STK39: variants seen among roughly 807,000 people sequenced by gnomAD.
The protein encoded by STK39 is serine/threonine kinase 39, also known as STE20/SPS1-related proline-alanine-rich protein kinase.
Under a neutral mutation model 77.8 loss-of-function variants are expected in STK39, and 20 were observed. That is an observed-to-expected ratio of 0.26 (90% CI 0.18 to 0.37). The LOEUF is 0.37. STK39 is among the 10% of genes least tolerant of loss of function. STK39 has a pLI of 1.00. For synonymous variants in STK39, 246 were observed against 234.1 expected (o/e 1.05, Z -0.47); for missense variants, 479 against 656.5 (o/e 0.73, Z 2.95).
At chr2:167,974,367 G>A (rs1283681864) in intron 16 of STK39, among the ~76,000 whole-genome samples, 1 of 151,958 alleles carries the variant, frequency 6.6e-6, no homozygotes, top group African/African-American at 2.4e-5. Context: ...GCTTCAAAAC[G>A]GTCTTTTCTG....
intron 1 of STK39, among the ~76,000 whole-genome samples, chr2:168,237,397 C>A (rs1405100418): frequency 1.3e-5 from 2 of 152,184 alleles, no homozygotes; most frequent in African/African-American, 2.4e-5. Context: ...CAAACAGGGA[C>A]AATTTGACTT....
At chr2:168,226,335 T>C (rs1333059012) in intron 1 of STK39, among the ~76,000 whole-genome samples, 1 of 152,022 alleles carries the variant, frequency 6.6e-6, no homozygotes, top group Non-Finnish European at 1.5e-5. Flanking sequence ...GGATTATGGA[T>C]GAGATTCCTG....
chr2:168,214,256 C>CA (rs11445474), intron 1 of STK39, among the ~76,000 whole-genome samples: 107,087 of 149,442 alleles, frequency 0.72, 38,552 homozygotes, highest in East Asian at 0.87. Context: ...ACAACAACAA[C>CA]AAAAAAAAAA....
chr2:168,089,283 G>A (rs1326425251), intron 10 of STK39, among the ~76,000 whole-genome samples: 1 of 152,170 alleles, frequency 6.6e-6, no homozygotes, highest in Non-Finnish European at 1.5e-5. Flanking sequence ...TCCAGTAAAG[G>A]TTTTGCATCA....
At chr2:168,190,050 A>G (rs1214295998) in intron 1 of STK39, among the ~76,000 whole-genome samples, 1 of 152,182 alleles carries the variant, frequency 6.6e-6, no homozygotes, top group African/African-American at 2.4e-5. Flanking sequence ...CTTCCTCACC[A>G]TTCCCAGGCA....
intron 1 of STK39, among the ~76,000 whole-genome samples, chr2:168,245,687 T>C (rs1452431516): frequency 1.3e-5 from 2 of 151,920 alleles, no homozygotes; most frequent in East Asian, 1.9e-4. Context: ...CACTGAAGAG[T>C]AGACAATGGG....
intron 1 of STK39, among the ~76,000 whole-genome samples, chr2:168,222,840 T>G (rs4668048): frequency 0.17 from 25,169 of 152,154 alleles, 2,213 homozygotes; most frequent in East Asian, 0.25. Flanking sequence ...TTGAGTTCTT[T>G]CCATGTAAAA....
intron 1 of STK39, among the ~76,000 whole-genome samples, chr2:168,236,346 T>C (rs1690607683): frequency 1.3e-5 from 2 of 152,346 alleles, no homozygotes; most frequent in South Asian, 4.2e-4. Flanking sequence ...AGATTCTGGA[T>C]ATTAGCCCTT....
At chr2:168,196,364 TTAAAAGTATCA>T (rs1329613837) in intron 1 of STK39, among the ~76,000 whole-genome samples, 1 of 152,100 alleles carries the variant, frequency 6.6e-6, no homozygotes, top group African/African-American at 2.4e-5. Flanking sequence ...GGATATGGAT[TTAAAAGTATCA>T]TAAATGGCTG....
At chr2:167,998,448 T>C (rs1420029824) in intron 16 of STK39, among the ~76,000 whole-genome samples, 3 of 152,364 alleles carry the variant, frequency 2.0e-5, no homozygotes, top group African/African-American at 4.8e-5. Context: ...ATGATAATAG[T>C]TCTACTTTGT....
chr2:167,974,830 A>G (rs1043410724), intron 16 of STK39, among the ~76,000 whole-genome samples: 1 of 152,204 alleles, frequency 6.6e-6, no homozygotes, highest in Non-Finnish European at 1.5e-5. Flanking sequence ...TAACTTTAGA[A>G]TCACATCATT....
chr2:168,036,695 C>T (rs1301152309), intron 14 of STK39, among the ~76,000 whole-genome samples: 1 of 152,152 alleles, frequency 6.6e-6, no homozygotes, highest in Non-Finnish European at 1.5e-5. Context: ...GGGCTTCACT[C>T]AGATACCTGC....
chr2:168,097,756 AGAC>A lies in STK39; in HGVS notation c.1090-22528_1090-22526del, dbSNP rs1559095767. On this transcript the variant is annotated intron_variant, in intron 10 of 17. Transcript: ENST00000355999. ...CTCAAAAACAAAAAAAAAAAAAAGA[AGAC>A]GAAGAAGACTAGTGGAATAAACGGA... 2.0e-5 allele frequency among the ~76,000 whole-genome samples: 3 copies of A among 152,216 alleles called. No individual in the cohort carries two copies. The East Asian group carries it at 5.8e-4, about 29-fold the overall frequency.
At chr2:168,125,422 T>C (rs1266082453) in intron 10 of STK39, among the ~76,000 whole-genome samples, 1 of 152,172 alleles carries the variant, frequency 6.6e-6, no homozygotes, top group Non-Finnish European at 1.5e-5. Context: ...AAGCCTTTTA[T>C]TCTCATGCAC....
At chr2:168,153,645 G>C (rs1024350654) in intron 5 of STK39, among the ~76,000 whole-genome samples, 1 of 150,538 alleles carries the variant, frequency 6.6e-6, no homozygotes, top group Admixed American at 6.6e-5. Flanking sequence ...GGGGTGGGGG[G>C]GGGTTACAAT....
chr2:168,143,293 A>T (rs1053822972), intron 5 of STK39, among the ~76,000 whole-genome samples: 3 of 152,222 alleles, frequency 2.0e-5, no homozygotes, highest in Non-Finnish European at 4.4e-5. Context: ...CACTGCCTTC[A>T]TTTAATCCAC....
Position 168,115,625 on chromosome 2 carries a change from C to T in STK39, c.1089+13916G>A, listed in dbSNP as rs530585882. Among the ~76,000 whole-genome samples the T allele has an allele frequency of 2.2e-4, 33 of 152,238 alleles. No individual in the cohort carries two copies. In the South Asian group the frequency reaches 5.0e-3, roughly 23 times the overall value. ...AGAATTTCATGCAGCCATTTGATTACGCTAATCTATGTTTGTTGACATAAA... is the reference window on the plus strand; with the variant it reads ...AGAATTTCATGCAGCCATTTGATTATGCTAATCTATGTTTGTTGACATAAA... On this transcript the variant is annotated intron_variant, in intron 10 of 17. Transcript: ENST00000355999.
At chr2:168,138,323 TAC>T (rs1687890454) in intron 7 of STK39, 102 bp from the exon 8 acceptor site, 2 of 1,414,962 alleles carry the variant, frequency 1.4e-6, no homozygotes, top group African/African-American at 1.4e-5. Flanking sequence ...CTTGATTAGA[TAC>T]AAAGTGCTTT....
intron 3 of STK39, among the ~76,000 whole-genome samples, chr2:168,164,987 A>G (rs949356577): frequency 6.6e-6 from 1 of 152,160 alleles, no homozygotes; most frequent in Non-Finnish European, 1.5e-5. Context: ...CTTCCCCATC[A>G]GATACAGCTG....
Sources: allele counts gnomAD v4.1 joint callset (sites outside exome capture counted in the v4.1 genomes callset), GRCh38; gene constraint gnomAD v4.1.1; transcripts MANE v1.5; gene names NCBI Gene and HGNC (gene_info 2026-07-23, HGNC 2026-07-21).